The following NTM variants were observed in gnomAD, a reference collection of about 807,000 sequenced individuals.
NTM encodes the protein IgLON family member 2.
NTM carries 13 observed loss-of-function variants against 42.1 expected under a neutral mutation model. The ratio of observed to expected loss-of-function variants is 0.31; its 90% CI spans 0.20 to 0.49. The LOEUF is 0.49. Among genes scored for constraint, NTM ranks in the 20% least tolerant of loss-of-function variants. The pLI is 0.99. For missense variants in NTM, 373 were observed against 452.8 expected, an observed-to-expected ratio of 0.82 and a Z score of 1.60; for synonymous variants, 187 against 179.2, an observed-to-expected ratio of 1.04 and a Z score of -0.35.
intron 3 of NTM, among the ~76,000 whole-genome samples, chr11:132,150,882 G>A (rs979233535): frequency 1.3e-5 from 2 of 152,176 alleles, no homozygotes; most frequent in African/African-American, 4.8e-5. Flanking sequence ...AGAGGGGAAT[G>A]AGTTCAGATA....
chr11:131,908,746 T>A (rs570729093), intron 1 of NTM, among the ~76,000 whole-genome samples: 1 of 152,244 alleles, frequency 6.6e-6, no homozygotes, highest in Non-Finnish European at 1.5e-5. Context: ...ATCATATTTA[T>A]CTTAACGTGG....
intron 4 of NTM, among the ~76,000 whole-genome samples, chr11:132,263,552 T>A (rs2092999963): frequency 6.6e-6 from 1 of 152,256 alleles, no homozygotes; most frequent in South Asian, 2.1e-4. Flanking sequence ...ACATTTTGTA[T>A]AATTCGGACC....
At chr11:132,065,377 G>T (rs2081285748) in intron 2 of NTM, among the ~76,000 whole-genome samples, 1 of 152,164 alleles carries the variant, frequency 6.6e-6, no homozygotes, top group South Asian at 2.1e-4. Context: ...AAAAGGCACA[G>T]CGTGTAGAAT....
chr11:132,084,153 C>T (rs1366386823), intron 2 of NTM, among the ~76,000 whole-genome samples: 1 of 152,026 alleles, frequency 6.6e-6, no homozygotes, highest in African/African-American at 2.4e-5. Flanking sequence ...CATTTGACAG[C>T]ACCTGTCAAA....
chr11:132,306,472 GGC>G (rs2095084952), intron 4 of NTM: 1 of 152,156 alleles, frequency 6.6e-6, no homozygotes, highest in Non-Finnish European at 1.5e-5. Flanking sequence ...TCAACAGGTG[GGC>G]AGCACACGAG....
At chr11:131,625,376 C>T (rs1426824811) in intron 1 of NTM, among the ~76,000 whole-genome samples, 1 of 152,098 alleles carries the variant, frequency 6.6e-6, no homozygotes, top group Non-Finnish European at 1.5e-5. Context: ...GAACAGGTGC[C>T]TTCGGGATTC....
rs2080106959 is a variant in NTM, at chr11:132,058,572, G to A, written c.168-87710G>A. 2.0e-5 allele frequency among the ~76,000 whole-genome samples: 3 copies of A among 152,116 alleles called. No homozygotes were observed. In the South Asian group the frequency reaches 6.2e-4, roughly 32 times the overall value. Reference sequence around the variant, plus strand: ...TTGACATGGGCACTTGCCATGGTTGGTTCTCTCTGCTTGCTATCTTTCAGG... The same window carrying A: ...TTGACATGGGCACTTGCCATGGTTGATTCTCTCTGCTTGCTATCTTTCAGG... On this transcript the variant is annotated intron_variant, in intron 2 of 8. Transcript: ENST00000683400.
intron 1 of NTM, among the ~76,000 whole-genome samples, chr11:131,644,262 C>G (rs2065496598): frequency 6.6e-6 from 1 of 152,180 alleles, no homozygotes; most frequent in Non-Finnish European, 1.5e-5. Context: ...GACTGAGTAT[C>G]TATTTACCTA....
chr11:132,203,914 G>A (rs978620342), intron 3 of NTM, among the ~76,000 whole-genome samples: 2 of 56,528 alleles, frequency 3.5e-5, no homozygotes, highest in Admixed American at 2.4e-4. Flanking sequence ...ACAAAAAACA[G>A]CAACAACAAC....
intron 4 of NTM, among the ~76,000 whole-genome samples, chr11:132,231,595 C>A (rs1160550851): frequency 2.0e-5 from 3 of 152,162 alleles, no homozygotes; most frequent in Admixed American, 2.0e-4. Context: ...TGGATACATT[C>A]TTATTTCTAT....
At chr11:131,828,139 A>AG (rs200682031) in intron 1 of NTM, among the ~76,000 whole-genome samples, 2 of 151,926 alleles carry the variant, frequency 1.3e-5, no homozygotes, top group Non-Finnish European at 1.5e-5. Flanking sequence ...AAAAAAAAAA[A>AG]CAACTACCTC....
At chr11:131,583,039 A>C (rs1174977511) in intron 1 of NTM, among the ~76,000 whole-genome samples, 1 of 152,166 alleles carries the variant, frequency 6.6e-6, no homozygotes, top group East Asian at 1.9e-4. Flanking sequence ...CTTTTCACAC[A>C]CGGGTAGCGT....
chr11:131,991,647 G>A (rs1227163019), intron 2 of NTM, among the ~76,000 whole-genome samples: 1 of 152,086 alleles, frequency 6.6e-6, no homozygotes, highest in South Asian at 2.1e-4. Flanking sequence ...TAGGACACAG[G>A]GAAAGAGTGA....
chr11:131,476,123 G>A (rs78259847), intron 1 of NTM, among the ~76,000 whole-genome samples: 2,167 of 152,244 alleles, frequency 0.014, 19 homozygotes, highest in Non-Finnish European at 0.022. Flanking sequence ...GTCTGTGCAA[G>A]GTGGGTGAAG....
Position 131,989,069 on chromosome 11 carries a change from G to T in NTM, c.167+77421G>T, listed in dbSNP as rs189462672. Among the ~76,000 whole-genome samples the T allele has an allele frequency of 2.4e-4, 37 of 152,174 alleles. No individual in the cohort carries two copies. The East Asian group carries it at 6.0e-3, about 25-fold the overall frequency. Reference sequence around the variant, plus strand: ...TTGATTTGTTTTAATTGATACAATAGAATTTATTGGTACTATGTTTGATCA... The same window carrying T: ...TTGATTTGTTTTAATTGATACAATATAATTTATTGGTACTATGTTTGATCA... On this transcript the variant is annotated intron_variant, in intron 2 of 8. Coordinates refer to ENST00000683400, the MANE Select transcript of NTM (RefSeq NM_001352005.2).
chr11:131,754,365 C>G (rs1486119990), intron 1 of NTM, among the ~76,000 whole-genome samples: 1 of 152,130 alleles, frequency 6.6e-6, no homozygotes, highest in South Asian at 2.1e-4. Context: ...TGGTGTGTGC[C>G]TGTAATCCCA....
At chr11:131,735,835 G>GGT (rs398018112) in intron 1 of NTM, among the ~76,000 whole-genome samples, 6,555 of 121,222 alleles carry the variant, frequency 0.054, 177 homozygotes, top group East Asian at 0.12. Context: ...CCATTCATAA[G>GGT]GTGTGTGTGT....
chr11:132,270,659 T>A (rs2093432256), intron 4 of NTM, among the ~76,000 whole-genome samples: 1 of 147,114 alleles, frequency 6.8e-6, no homozygotes, highest in African/African-American at 2.7e-5. Context: ...TTTTATTTTT[T>A]TTTTTACTTT....
intron 1 of NTM, chr11:131,535,858 G>A (rs1353723281): frequency 1.3e-5 from 2 of 152,182 alleles, no homozygotes; most frequent in Admixed American, 1.3e-4. Context: ...TTGAACGAGT[G>A]CTTATAGAAT....
Sources: allele counts gnomAD v4.1 joint callset (sites outside exome capture counted in the v4.1 genomes callset), GRCh38; gene constraint gnomAD v4.1.1; transcripts MANE v1.5; gene names NCBI Gene and HGNC (gene_info 2026-07-23, HGNC 2026-07-21).